ATXN2L: variants seen among roughly 807,000 people sequenced by gnomAD.
ATXN2L encodes ataxin 2 like, also known as ataxin-2-like protein.
A neutral mutation model predicts 120.7 loss-of-function variants in ATXN2L; 24 were observed. That is an observed-to-expected ratio of 0.20 (90% CI 0.14 to 0.28). The LOEUF is 0.28. Ranked by LOEUF, ATXN2L falls within the 10% of genes least tolerant of loss-of-function variation. The pLI is 1.00. For missense variants in ATXN2L, 1,312 were observed against 1,432.3 expected (o/e 0.92, Z 1.36); for synonymous variants, 653 against 568.1 (o/e 1.15, Z -2.13).
rs200961015 is a variant in ATXN2L at position 28,833,240 on chromosome 16, C to T, written c.1841C>T (p.Pro614Leu). The change falls in exon 14 of 22, where the codon CCA becomes CTA. Residue 614 changes from proline (P) to leucine (L), a missense_variant. By Grantham distance (98) the Pro-to-Leu change is moderately conservative. Coordinates refer to ENST00000336783, the MANE Select transcript of ATXN2L (RefSeq NM_007245.4). ...SDKEDKPPLA[P>L]SGGTEGPEQP... ...AAGGAGGACAAACCACCCCTGGCACCATCAGGAGGCACTGAGGGGCCAGAG... is the reference window on the plus strand; with the variant it reads ...AAGGAGGACAAACCACCCCTGGCACTATCAGGAGGCACTGAGGGGCCAGAG... 54 of 1,614,192 alleles carry T rather than the reference C, an allele frequency of 3.3e-5. No homozygotes were observed. Among genetic ancestry groups the T allele is most frequent in the Non-Finnish European group, 4.5e-5 (53 of 1,180,048 alleles).
At chr16:28,826,514 C>T in intron 5 of ATXN2L, 124 bp downstream of exon 5, 1 of 1,140,510 alleles carries the variant, frequency 8.8e-7, no homozygotes, top group South Asian at 1.6e-5. Flanking sequence ...GTTTGTTTTG[C>T]TTTAATGCCT....
In ATXN2L at chr16:28,824,871, TTAA is replaced by T. The variant is rs551621640; in HGVS notation, c.300-493_300-491del. 4.6e-4 allele frequency among the ~76,000 whole-genome samples: 70 copies of T among 152,250 alleles called. 2 individuals carry two copies. In the South Asian group the frequency reaches 6.0e-3, roughly 13 times the overall value. ...TGGAGGAAATGTGTTTGCTGGCTTATTAATGTCTATTTTTTTCTTCCTCTACAA... is the reference window on the plus strand; with the variant it reads ...TGGAGGAAATGTGTTTGCTGGCTTATTGTCTATTTTTTTCTTCCTCTACAA... On this transcript the variant is annotated intron_variant, in intron 1 of 21. Transcript: ENST00000336783.
At chr16:28,826,610 T>C (rs2052121535) in intron 5 of ATXN2L, 3 of 597,874 alleles carry the variant, frequency 5.0e-6, no homozygotes, top group Non-Finnish European at 8.4e-6. Context: ...TTCCTGTCTG[T>C]GTTGTGGTTC....
At chr16:28,828,893 G>A (rs1043134907) in intron 6 of ATXN2L, among the ~76,000 whole-genome samples, 3 of 151,938 alleles carry the variant, frequency 2.0e-5, no homozygotes, top group Non-Finnish European at 4.4e-5. Flanking sequence ...GCAGGCATGC[G>A]CCACCACGGA....
chr16:28,832,938 G>T, intron 13 of ATXN2L, 51 bp downstream of exon 13: 3 of 1,606,410 alleles, frequency 1.9e-6, no homozygotes, highest in Non-Finnish European at 2.6e-6. Context: ...GTTGGGAGTG[G>T]TTCGTAGATG....
chr16:28,830,581 T>G, intron 8 of ATXN2L, 34 bp from the exon 9 acceptor site: 8 of 1,522,476 alleles, frequency 5.3e-6, no homozygotes, highest in Non-Finnish European at 4.4e-6. Context: ...GTGGGTTTTG[T>G]GGCTACCTGG....
At position 28,836,438 on chromosome 16, in the gene ATXN2L, T is replaced by C; in HGVS notation, c.*173T>C. 1 of 1,613,012 alleles carries C rather than the reference T, an allele frequency of 6.2e-7. No homozygotes were observed. The highest frequency in any genetic ancestry group is 8.5e-7 in the Non-Finnish European group (1 of 1,179,788). On this transcript the variant is annotated 3_prime_UTR_variant, in exon 22 of 22. Coordinates refer to ENST00000336783, the MANE Select transcript of ATXN2L (RefSeq NM_007245.4). ...GTGATCCAGCAGCCCCCCTCCCCACTGCCTCCCCAGCTCTCAGTGACCCCG... is the reference window on the plus strand; with the variant it reads ...GTGATCCAGCAGCCCCCCTCCCCACCGCCTCCCCAGCTCTCAGTGACCCCG...
In ATXN2L at chr16:28,836,706, C is replaced by T. The variant is rs781595561; in HGVS notation, c.*441C>T. The T allele has an allele frequency of 1.2e-6, 2 of 1,613,988 alleles. No homozygotes were observed. The highest frequency in any genetic ancestry group is 1.3e-5 in the African/African-American group (1 of 74,978). On this transcript the variant is annotated 3_prime_UTR_variant, in exon 22 of 22. Coordinates refer to ENST00000336783, the MANE Select transcript of ATXN2L (RefSeq NM_007245.4). The stretch of plus-strand genomic sequence containing the variant: ...GCTTGGGTTCTAATGCTCCTGCTCT[C>T]TTCTCTTTCCCCTCCAACCAGTTCA...
chr16:28,832,098 ACT>A, intron 10 of ATXN2L, 105 bp from the exon 11 acceptor site: 6 of 1,208,862 alleles, frequency 5.0e-6, no homozygotes, highest in Middle Eastern at 2.7e-4. Flanking sequence ...TAAGTTGGTG[ACT>A]CTGGTTGTAT....
At chr16:28,825,176 C>T (rs1355993378) in intron 1 of ATXN2L, among the ~76,000 whole-genome samples, 190 bp from the exon 2 acceptor site, 1 of 151,778 alleles carries the variant, frequency 6.6e-6, no homozygotes, top group Non-Finnish European at 1.5e-5. Context: ...GAGATCACGC[C>T]ACTGCACCCC....
intron 16 of ATXN2L, 49 bp from the exon 17 acceptor site, chr16:28,834,293 TG>T (rs763944478): frequency 6.2e-7 from 1 of 1,611,860 alleles, no homozygotes; most frequent in South Asian, 1.1e-5. Context: ...CAGGCCTGTC[TG>T]GGCATTCGTG....
At position 28,829,252 on chromosome 16, in the gene ATXN2L, C is replaced by T. The variant is rs115080256; in HGVS notation, c.742-149C>T. On this transcript the variant is annotated intron_variant, in intron 6 of 21. Transcript: ENST00000336783. The stretch of plus-strand genomic sequence containing the variant: ...TCCTGGCCTCAGGAGAGCCTCCTGC[C>T]TCAGCTTCCCAAAGTACTGGGATTA... The T allele has an allele frequency of 4.0e-3, 2,519 of 627,188 alleles. 56 individuals are homozygous for T. The African/African-American group carries it at 0.042, about 10-fold the overall frequency. The allele number at this position is 627,188 out of a possible 1,614,324, so 38.9% of individuals were successfully genotyped here. A position where few individuals can be genotyped will look rare whatever the true frequency, so the allele number is the denominator to read the frequency against.
At position 28,823,211 on chromosome 16, in the gene ATXN2L, C is replaced by A. The variant is rs1307169385; in HGVS notation, c.-49C>A. 8.1e-7 allele frequency: 1 copy of A among 1,229,012 alleles called. No homozygotes were observed. Among genetic ancestry groups the A allele is most frequent in the Non-Finnish European group, 1.1e-6 (1 of 952,200 alleles). The allele number at this position is 1,229,012 out of a possible 1,614,324, so 76.1% of individuals were successfully genotyped here. On this transcript the variant is annotated 5_prime_UTR_variant, in exon 1 of 22. Transcript: ENST00000336783. The stretch of plus-strand genomic sequence containing the variant: ...TCTCCAGCGGGGCCCCAGCCCCGGC[C>A]CCCTCTCTCCCTCCCTTCTCTCTAA...
chr16:28,828,822 C>T (rs1158036578), intron 6 of ATXN2L, among the ~76,000 whole-genome samples: 1 of 152,090 alleles, frequency 6.6e-6, no homozygotes, highest in Non-Finnish European at 1.5e-5. Flanking sequence ...GTGGCTCGAT[C>T]TCAGCTCACT....
rs1368976060 is a variant in ATXN2L at position 28,823,482 on chromosome 16, G to A, written c.223G>A (p.Gly75Ser). ...GAGCGGGCTCCGCCGGGGAGCCGAA[G>A]GCATCTTGGCGCCGCAGCCGCCGCC... The part of the protein sequence containing the change: ...AGSGLRRGAE[G>S]ILAPQPPPPQ... The change falls in exon 1 of 22, where the codon GGC (glycine) becomes AGC (serine). Residue 75 changes from glycine (G) to serine (S), a missense_variant. Gly to Ser is a moderately conservative substitution (Grantham distance 56). Transcript: ENST00000336783. 8.7e-6 allele frequency: 12 copies of A among 1,371,974 alleles called. No homozygotes were observed. In the East Asian group the frequency reaches 3.4e-4, roughly 39 times the overall value. 85.0% of individuals were successfully genotyped at this position (1,371,974 alleles called of 1,614,324 possible).
intron 4 of ATXN2L, 36 bp downstream of exon 4, chr16:28,825,877 C>G (rs372150446): frequency 7.0e-6 from 11 of 1,570,450 alleles, no homozygotes; most frequent in Non-Finnish European, 8.8e-6. Flanking sequence ...TTTGGAGTTG[C>G]AGAGTAGGAG....
At chr16:28,835,848 C>A in intron 21 of ATXN2L, 85 bp from the exon 22 acceptor site, 2 of 1,589,538 alleles carry the variant, frequency 1.3e-6, no homozygotes, top group East Asian at 4.5e-5. Flanking sequence ...TGGTGCCACC[C>A]TTGCCATAGT....
intron 18 of ATXN2L, 127 bp from the exon 19 acceptor site, chr16:28,834,931 G>A (rs1240487482): frequency 5.3e-6 from 7 of 1,322,020 alleles, no homozygotes; most frequent in African/African-American, 3.0e-5. Context: ...GGGTGGGATC[G>A]TTATGAATGT....
chr16:28,832,628 A>G (rs2054924405), intron 12 of ATXN2L, 61 bp downstream of exon 12: 1 of 1,560,172 alleles, frequency 6.4e-7, no homozygotes, highest in Non-Finnish European at 8.8e-7. Context: ...AGAGTATTTC[A>G]GTTAGGAAGT....
Sources: gnomAD v4.1 joint callset for allele counts (sites outside exome capture counted in the v4.1 genomes callset) on GRCh38, gnomAD v4.1.1 for gene constraint, MANE v1.5 for transcripts, NCBI Gene and HGNC (gene_info 2026-07-23, HGNC 2026-07-21) for gene names.